The following CDKAL1 variants were observed in gnomAD, a reference collection of about 807,000 sequenced individuals.
CDKAL1 encodes threonylcarbamoyladenosine tRNA methylthiotransferase.
CDKAL1 carries 32 observed loss-of-function variants against 68.2 expected under a neutral mutation model. The observed-to-expected ratio is 0.47, with a 90% CI of 0.35 to 0.63. The LOEUF is 0.63. Among genes scored for constraint, CDKAL1 ranks in the 30% least tolerant of loss-of-function variants. The pLI, the probability that CDKAL1 is intolerant of heterozygous loss-of-function variation, is 0.00. For missense variants in CDKAL1, 606 were observed against 696.7 expected (o/e 0.87, Z 1.47); for synonymous variants, 234 against 244.3 (o/e 0.96, Z 0.39).
At chr6:21,057,505 G>A (rs1770901473) in intron 11 of CDKAL1, among the ~76,000 whole-genome samples, 4 of 145,744 alleles carry the variant, frequency 2.7e-5, no homozygotes, top group Admixed American at 2.7e-4. Context: ...AGGGTTTTTT[G>A]TGTCTCTTTC....
At chr6:20,781,525 A>G (rs1775431122) in intron 8 of CDKAL1, among the ~76,000 whole-genome samples, 1 of 152,200 alleles carries the variant, frequency 6.6e-6, no homozygotes, top group Non-Finnish European at 1.5e-5. Context: ...TTTCCCAGCT[A>G]TGCCCTTACT....
intron 11 of CDKAL1, among the ~76,000 whole-genome samples, chr6:21,029,259 G>A (rs1426646265): frequency 6.6e-6 from 1 of 151,990 alleles, no homozygotes; most frequent in Non-Finnish European, 1.5e-5. Context: ...GTTTCTCCAT[G>A]TTGCCTAGCC....
intron 15 of CDKAL1, among the ~76,000 whole-genome samples, chr6:21,224,605 G>A (rs1436751624): frequency 1.3e-5 from 2 of 152,172 alleles, no homozygotes; most frequent in Admixed American, 1.3e-4. Flanking sequence ...GCCAAGAGAT[G>A]TAGGCAAATT....
At chr6:21,198,270 T>A (rs1369098059) in intron 14 of CDKAL1, among the ~76,000 whole-genome samples, 166 bp downstream of exon 14, 1 of 152,250 alleles carries the variant, frequency 6.6e-6, no homozygotes, top group African/African-American at 2.4e-5. Flanking sequence ...TGTGACTTAC[T>A]CTACAATATG....
At chr6:21,175,038 C>CA (rs1189515606) in intron 13 of CDKAL1, among the ~76,000 whole-genome samples, 1 of 152,124 alleles carries the variant, frequency 6.6e-6, no homozygotes, top group Non-Finnish European at 1.5e-5. Context: ...TAAGTGGAGG[C>CA]ACGACATGAC....
chr6:20,950,366 C>G (rs371492468), intron 9 of CDKAL1, among the ~76,000 whole-genome samples: 1 of 152,170 alleles, frequency 6.6e-6, no homozygotes, highest in African/African-American at 2.4e-5. Context: ...TCAGGTGATC[C>G]GCCCGCCTTG....
At chr6:21,096,732 A>G (rs975722085) in intron 12 of CDKAL1, among the ~76,000 whole-genome samples, 4 of 152,230 alleles carry the variant, frequency 2.6e-5, no homozygotes, top group Admixed American at 6.5e-5. Context: ...ACTTGCTGTC[A>G]CCCTTCCTAA....
At chr6:21,088,884 T>A (rs186343903) in intron 12 of CDKAL1, among the ~76,000 whole-genome samples, 2 of 152,012 alleles carry the variant, frequency 1.3e-5, no homozygotes, top group Non-Finnish European at 2.9e-5. Context: ...AGAGGTTGCA[T>A]TGAGCCGAGA....
intron 5 of CDKAL1, among the ~76,000 whole-genome samples, chr6:20,724,027 G>A (rs1279390844): frequency 1.3e-5 from 2 of 152,130 alleles, no homozygotes; most frequent in Non-Finnish European, 2.9e-5. Context: ...CCGCCTACTG[G>A]GTTTAAGTGA....
chr6:20,579,571 T>G (rs72830628), intron 4 of CDKAL1, among the ~76,000 whole-genome samples: 8,061 of 152,228 alleles, frequency 0.053, 231 homozygotes, highest in Middle Eastern at 0.078. Context: ...ATTTTTTCTG[T>G]TTTTTAGTCC....
chr6:21,197,655 TC>T (rs1311907335), intron 13 of CDKAL1, among the ~76,000 whole-genome samples: 1 of 152,228 alleles, frequency 6.6e-6, no homozygotes, highest in Non-Finnish European at 1.5e-5. Flanking sequence ...AGCAGCTTGT[TC>T]TGGCTTGTTT....
intron 14 of CDKAL1, among the ~76,000 whole-genome samples, chr6:21,200,384 C>T (rs780711461): frequency 3.9e-5 from 6 of 152,144 alleles, no homozygotes; most frequent in Non-Finnish European, 5.9e-5. Flanking sequence ...GGGAAATGAA[C>T]GGCAGCTGTT....
intron 8 of CDKAL1, among the ~76,000 whole-genome samples, chr6:20,800,931 T>C (rs961577704): frequency 6.0e-5 from 9 of 151,176 alleles, no homozygotes; most frequent in Non-Finnish European, 1.3e-4. Flanking sequence ...TCTTTCTTTT[T>C]TGGGGTAAAC....
intron 9 of CDKAL1, among the ~76,000 whole-genome samples, chr6:20,928,197 G>C (rs1358243076): frequency 6.6e-6 from 1 of 152,278 alleles, no homozygotes; most frequent in East Asian, 1.9e-4. Flanking sequence ...AGAATGTAAA[G>C]GTATCATGGA....
intron 9 of CDKAL1, among the ~76,000 whole-genome samples, chr6:20,876,106 A>G (rs1760500205): frequency 6.6e-6 from 1 of 152,270 alleles, no homozygotes; most frequent in African/African-American, 2.4e-5. Flanking sequence ...GCAGTGTTTT[A>G]CCATCTGTAA....
intron 5 of CDKAL1, among the ~76,000 whole-genome samples, chr6:20,652,042 G>C (rs1768793835): frequency 6.6e-6 from 1 of 152,098 alleles, no homozygotes; most frequent in South Asian, 2.1e-4. Flanking sequence ...CCAGGTTTTG[G>C]TATCAGGATG....
At chr6:20,975,688 GA>G (rs1236061375) in intron 10 of CDKAL1, among the ~76,000 whole-genome samples, 1 of 151,978 alleles carries the variant, frequency 6.6e-6, no homozygotes, top group Non-Finnish European at 1.5e-5. Flanking sequence ...TTATACATTT[GA>G]AAAAAATGGC....
At chr6:20,796,351 CTAAA>C (rs1776109066) in intron 8 of CDKAL1, among the ~76,000 whole-genome samples, 2 of 152,064 alleles carry the variant, frequency 1.3e-5, no homozygotes, top group Admixed American at 6.5e-5. Flanking sequence ...CAAAGAAGAT[CTAAA>C]TAAATCATGC....
At chr6:20,972,501 T>C (rs1174911224) in intron 10 of CDKAL1, among the ~76,000 whole-genome samples, 2 of 152,260 alleles carry the variant, frequency 1.3e-5, no homozygotes, top group African/African-American at 4.8e-5. Context: ...TTCAGATTTT[T>C]TGAAGAAAGT....
Sources: gnomAD v4.1 joint callset for allele counts (sites outside exome capture counted in the v4.1 genomes callset) on GRCh38, gnomAD v4.1.1 for gene constraint, MANE v1.5 for transcripts, NCBI Gene and HGNC (gene_info 2026-07-23, HGNC 2026-07-21) for gene names.